Variants in TRMT11 observed in about 807,000 individuals in gnomAD.
The protein encoded by TRMT11 is tRNA (guanine(10)-N(2))-methyltransferase TRMT11.
A neutral mutation model predicts 62.8 loss-of-function variants in TRMT11; 53 were observed. That is an observed-to-expected ratio of 0.84 (90% CI 0.68 to 1.06). The LOEUF (loss-of-function observed/expected upper bound fraction) is 1.06, where lower values mean the gene tolerates loss of function less well. TRMT11 is among the 50% of genes least tolerant of loss of function. The pLI, the probability that TRMT11 is intolerant of heterozygous loss-of-function variation, is 0.00. For missense variants in TRMT11, 556 were observed against 553.4 expected (o/e 1.00, Z -0.05); for synonymous variants, 188 against 190.3 (o/e 0.99, Z 0.10).
chr6:126,014,906 G>A (rs1034828269), intron 11 of TRMT11, among the ~76,000 whole-genome samples: 5 of 151,752 alleles, frequency 3.3e-5, no homozygotes, highest in African/African-American at 9.7e-5. Context: ...CACTTAATTC[G>A]ACATCCTGCC....
At chr6:126,088,853 T>C (rs1777242728) in intron 17 of TRMT11, among the ~76,000 whole-genome samples, 1 of 152,212 alleles carries the variant, frequency 6.6e-6, no homozygotes, top group Non-Finnish European at 1.5e-5. Flanking sequence ...TTGACTTATA[T>C]TGCTAGAGAA....
At chr6:126,043,807 ATGG>A (rs1200906630), downstream of TRMT11, among the ~76,000 whole-genome samples, 3 of 150,908 alleles carry the variant, frequency 2.0e-5, no homozygotes, top group African/African-American at 7.3e-5. Flanking sequence ...ATGGCCAGTG[ATGG>A]TGAGCATTTT....
intron 21 of TRMT11, among the ~76,000 whole-genome samples, chr6:126,136,340 T>C (rs778870470): frequency 6.6e-6 from 1 of 151,540 alleles, no homozygotes; most frequent in Non-Finnish European, 1.5e-5. Flanking sequence ...AAATAACATA[T>C]AAACATCACT....
At chr6:126,186,222 G>A (rs536193526) in intron 1 of TRMT11, among the ~76,000 whole-genome samples, 4 of 152,258 alleles carry the variant, frequency 2.6e-5, no homozygotes, top group African/African-American at 7.2e-5. Flanking sequence ...AGAGGGCAGA[G>A]CATCACTACT....
At chr6:126,228,962 C>A in the TRMT11 span, among the ~76,000 whole-genome samples, 2 of 151,982 alleles carry the variant, frequency 1.3e-5, no homozygotes, top group South Asian at 4.2e-4. Flanking sequence ...CTTTTAATGG[C>A]TATTATAGTA....
At chr6:126,022,978 CT>C (rs1201252736) in intron 12 of TRMT11, among the ~76,000 whole-genome samples, 52 of 152,270 alleles carry the variant, frequency 3.4e-4, no homozygotes, top group African/African-American at 1.2e-3. Context: ...GTTCTTGAAA[CT>C]TTACCTTTAA....
intron 17 of TRMT11, among the ~76,000 whole-genome samples, chr6:126,103,234 ATTG>A (rs1777423029): frequency 6.6e-6 from 1 of 152,160 alleles, no homozygotes; most frequent in African/African-American, 2.4e-5. Context: ...GTCATATGAT[ATTG>A]TTTAATTTTG....
intron 21 of TRMT11, among the ~76,000 whole-genome samples, chr6:126,160,782 G>A (rs1039697698): frequency 4.6e-5 from 7 of 152,048 alleles, no homozygotes; most frequent in Admixed American, 3.9e-4. Context: ...GCTATAAAAC[G>A]TGTTAAAGAC....
chr6:126,151,756 T>G (rs983396276), intron 21 of TRMT11, among the ~76,000 whole-genome samples: 5 of 134,806 alleles, frequency 3.7e-5, no homozygotes, highest in Non-Finnish European at 7.5e-5. Flanking sequence ...TCCCTTTCCT[T>G]CCTTCCTTCC....
intron 17 of TRMT11, among the ~76,000 whole-genome samples, chr6:126,054,546 C>G (rs905301311): frequency 1.4e-4 from 22 of 152,206 alleles, no homozygotes; most frequent in Admixed American, 3.9e-4. Context: ...GCTCTTCACA[C>G]AGTGCTGACG....
At chr6:126,130,494 T>C (rs374721443) in intron 21 of TRMT11, among the ~76,000 whole-genome samples, 106 of 152,226 alleles carry the variant, frequency 7.0e-4, no homozygotes, top group Non-Finnish European at 1.0e-3. Context: ...AATGTTCTTC[T>C]GCCTGTAGGG....
chr6:125,996,993 TA>T (rs1277718889), intron 3 of TRMT11, among the ~76,000 whole-genome samples: 1 of 152,206 alleles, frequency 6.6e-6, no homozygotes, highest in Non-Finnish European at 1.5e-5. Flanking sequence ...ACATAACTTT[TA>T]AAAAACTCTT....
intron 17 of TRMT11, among the ~76,000 whole-genome samples, chr6:126,097,171 T>G (rs1247734238): frequency 6.6e-6 from 1 of 152,124 alleles, no homozygotes; most frequent in Non-Finnish European, 1.5e-5. Context: ...TCTGATAGTA[T>G]TGTTAGGAGA....
intron 21 of TRMT11, among the ~76,000 whole-genome samples, chr6:126,166,557 T>C (rs939014873): frequency 3.9e-5 from 6 of 152,048 alleles, no homozygotes; most frequent in Admixed American, 3.9e-4. Flanking sequence ...CTCTCCTGTA[T>C]AAGGTGTCTC....
At chr6:126,135,226 A>G (rs1414714069) in intron 21 of TRMT11, among the ~76,000 whole-genome samples, 1 of 151,752 alleles carries the variant, frequency 6.6e-6, no homozygotes, top group Non-Finnish European at 1.5e-5. Context: ...AAATAAACAA[A>G]TGGACAAACC....
intron 3 of TRMT11, among the ~76,000 whole-genome samples, chr6:126,201,801 G>A (rs1395095964): frequency 6.6e-6 from 1 of 150,904 alleles, no homozygotes; most frequent in Non-Finnish European, 1.5e-5. Flanking sequence ...TTTTTCACCT[G>A]ACTCAATTAC....
intron 17 of TRMT11, among the ~76,000 whole-genome samples, chr6:126,105,523 AG>A (rs1777454324): frequency 6.6e-6 from 1 of 152,052 alleles, no homozygotes; most frequent in Admixed American, 6.6e-5. Flanking sequence ...TGCGGGGTAG[AG>A]GCACAGCTCC....
chr6:126,134,428 G>A (rs1411862676), intron 21 of TRMT11, among the ~76,000 whole-genome samples: 2 of 151,864 alleles, frequency 1.3e-5, no homozygotes, highest in Middle Eastern at 3.4e-3. Context: ...ATGATAAAAC[G>A]TCAATTTAGC....
intron 17 of TRMT11, among the ~76,000 whole-genome samples, chr6:126,072,221 G>A (rs1412612450): frequency 6.6e-6 from 1 of 152,124 alleles, no homozygotes; most frequent in East Asian, 1.9e-4. Flanking sequence ...AAATTGGTGG[G>A]CATTTTCTAT....
Sources: allele counts gnomAD v4.1 joint callset (sites outside exome capture counted in the v4.1 genomes callset), GRCh38; gene constraint gnomAD v4.1.1; transcripts MANE v1.5; gene names NCBI Gene and HGNC (gene_info 2026-07-23, HGNC 2026-07-21).